MERTK: variants seen among roughly 807,000 people sequenced by gnomAD.
MERTK encodes the protein MER proto-oncogene, tyrosine kinase, also known as tyrosine-protein kinase Mer.
In MERTK, 69 loss-of-function variants were observed where a neutral mutation model predicts 99.3. The ratio of observed to expected loss-of-function variants is 0.70; its 90% CI spans 0.57 to 0.85. MERTK has a LOEUF of 0.85. MERTK is among the 40% of genes least tolerant of loss of function. MERTK has a pLI of 0.00. For synonymous variants in MERTK, 426 were observed against 467.6 expected, an observed-to-expected ratio of 0.91 and a Z score of 1.15; for missense variants, 1,125 against 1,249.4, an observed-to-expected ratio of 0.90 and a Z score of 1.50.
At chr2:111,923,213 T>C (rs903314250) in intron 1 of MERTK, among the ~76,000 whole-genome samples, 2 of 152,196 alleles carry the variant, frequency 1.3e-5, no homozygotes, top group Non-Finnish European at 2.9e-5. Flanking sequence ...TACAGACAAG[T>C]ATGTTCAGAA....
At chr2:111,909,031 A>G (rs1332786660) in intron 1 of MERTK, among the ~76,000 whole-genome samples, 2 of 152,260 alleles carry the variant, frequency 1.3e-5, no homozygotes, top group Non-Finnish European at 2.9e-5. Flanking sequence ...AATGCTTAAC[A>G]TCACTAATCA....
At chr2:111,958,547 A>G (rs1685189424) in intron 4 of MERTK, among the ~76,000 whole-genome samples, 1 of 152,160 alleles carries the variant, frequency 6.6e-6, no homozygotes. Context: ...TCTTTGGCCT[A>G]TGGGCACCAA....
At chr2:112,027,682 C>T (rs1378621000) in intron 18 of MERTK, among the ~76,000 whole-genome samples, 2 of 152,126 alleles carry the variant, frequency 1.3e-5, no homozygotes, top group African/African-American at 2.4e-5. Flanking sequence ...TCCCTGAGCC[C>T]ACTGTCATCT....
At chr2:111,960,529 C>G (rs1685230663) in intron 4 of MERTK, among the ~76,000 whole-genome samples, 1 of 146,602 alleles carries the variant, frequency 6.8e-6, no homozygotes, top group African/African-American at 2.5e-5. Flanking sequence ...TTTTGTCCAG[C>G]AAAGAAATTG....
At chr2:111,961,156 C>CTTTTTT (rs1052197732) in intron 4 of MERTK, among the ~76,000 whole-genome samples, 62 of 98,014 alleles carry the variant, frequency 6.3e-4, no homozygotes, top group African/African-American at 8.5e-4. Flanking sequence ...AATTTTCTTT[C>CTTTTTT]TTTTTTTTTT....
chr2:112,001,141 C>T, intron 10 of MERTK, 60 bp from the exon 11 acceptor site: 1 of 1,292,388 alleles, frequency 7.7e-7, no homozygotes, highest in Non-Finnish European at 1.1e-6. Context: ...CTTGTGGAAT[C>T]AGTGCCTGCC....
intron 8 of MERTK, among the ~76,000 whole-genome samples, chr2:111,990,587 G>A (rs1676596786): frequency 6.6e-6 from 1 of 152,178 alleles, no homozygotes; most frequent in Non-Finnish European, 1.5e-5. Context: ...TTCCTACTGA[G>A]TCATAGGCCC....
chr2:111,931,388 A>G (rs149912212), intron 2 of MERTK, among the ~76,000 whole-genome samples: 2 of 152,346 alleles, frequency 1.3e-5, no homozygotes, highest in East Asian at 3.9e-4. Flanking sequence ...CAGATGTCTT[A>G]CAATTACATA....
chr2:111,916,144 C>G (rs965815712), intron 1 of MERTK, among the ~76,000 whole-genome samples: 4 of 151,980 alleles, frequency 2.6e-5, no homozygotes, highest in African/African-American at 4.8e-5. Flanking sequence ...GAAACAGGGT[C>G]TCATTCTGTC....
chr2:111,924,769 C>A (rs1003380368), intron 1 of MERTK, among the ~76,000 whole-genome samples: 54 of 152,112 alleles, frequency 3.6e-4, no homozygotes, highest in Non-Finnish European at 6.8e-4. Context: ...ATTGCTGTTC[C>A]CAAACTGGTT....
At chr2:111,922,292 G>A (rs1684474420) in intron 1 of MERTK, among the ~76,000 whole-genome samples, 2 of 152,254 alleles carry the variant, frequency 1.3e-5, no homozygotes, top group South Asian at 4.2e-4. Context: ...TAGTCACCTC[G>A]GTGATCACCT....
chr2:112,001,991 T>C (rs1676879978), intron 11 of MERTK, among the ~76,000 whole-genome samples: 1 of 152,086 alleles, frequency 6.6e-6, no homozygotes. Flanking sequence ...TTAAAATTTG[T>C]CATTTAGACC....
chr2:112,008,514 C>A, intron 14 of MERTK, 39 bp downstream of exon 14: 1 of 1,437,772 alleles, frequency 7.0e-7, no homozygotes, highest in Non-Finnish European at 9.8e-7. Context: ...GCCAAGAGGG[C>A]TCTGCTGATC....
chr2:112,007,451 GC>G (rs961213366), intron 13 of MERTK, among the ~76,000 whole-genome samples: 54 of 152,254 alleles, frequency 3.5e-4, no homozygotes, highest in Non-Finnish European at 6.5e-4. Context: ...ACTGCGCCCA[GC>G]CCCAAGACTT....
At chr2:111,952,005 A>G (rs1371655753) in intron 4 of MERTK, 1 of 152,148 alleles carries the variant, frequency 6.6e-6, no homozygotes, top group Non-Finnish European at 1.5e-5. Context: ...TTGTGACAAG[A>G]TGTGCAAACT....
In MERTK at chr2:111,960,964, A is replaced by G. The variant is rs181311600; in HGVS notation, c.758-4227A>G. Among the ~76,000 whole-genome samples, 391 of 151,762 alleles carry G rather than the reference A, an allele frequency of 2.6e-3. 1 individual carries two copies. Among genetic ancestry groups the G allele is most frequent in the Non-Finnish European group, 4.4e-3 (298 of 67,980 alleles). Reference sequence around the variant, plus strand: ...TATAAAGACCCCGAGGCAGAGTATCACAGGGATCCTTTTATAGATGTGTGT... The same window carrying G: ...TATAAAGACCCCGAGGCAGAGTATCGCAGGGATCCTTTTATAGATGTGTGT... On this transcript the variant is annotated intron_variant, in intron 4 of 18. Coordinates refer to ENST00000295408, the MANE Select transcript of MERTK (RefSeq NM_006343.3).
chr2:112,022,624 C>T (rs781456688), intron 18 of MERTK: 5 of 766,858 alleles, frequency 6.5e-6, no homozygotes, highest in Non-Finnish European at 1.2e-5. Context: ...TCCAAAGGGC[C>T]TCAGTCTCGA....
intron 16 of MERTK, 130 bp from the exon 17 acceptor site, chr2:112,021,292 C>A: frequency 7.5e-7 from 1 of 1,332,156 alleles, no homozygotes; most frequent in Non-Finnish European, 1.1e-6. Flanking sequence ...ATGCAGCATG[C>A]TCACAGGCTG....
At chr2:111,921,872 C>T (rs1349607407) in intron 1 of MERTK, among the ~76,000 whole-genome samples, 4 of 152,036 alleles carry the variant, frequency 2.6e-5, no homozygotes, top group Admixed American at 1.3e-4. Flanking sequence ...GGAGCCACCA[C>T]GCCTAGCCTG....
Sources: allele counts gnomAD v4.1 joint callset (sites outside exome capture counted in the v4.1 genomes callset), GRCh38; gene constraint gnomAD v4.1.1; transcripts MANE v1.5; gene names NCBI Gene and HGNC (gene_info 2026-07-23, HGNC 2026-07-21).